Variants in SLC4A8 observed in about 807,000 individuals in gnomAD.
SLC4A8 encodes electroneutral sodium bicarbonate exchanger 1.
SLC4A8 carries 40 observed loss-of-function variants against 125.0 expected under a neutral mutation model. The ratio of observed to expected loss-of-function variants is 0.32; its 90% CI spans 0.25 to 0.42. The LOEUF (loss-of-function observed/expected upper bound fraction) is 0.42. Among genes scored for constraint, SLC4A8 ranks in the 10% least tolerant of loss-of-function variants. The pLI, the probability that SLC4A8 is intolerant of heterozygous loss-of-function variation, is 1.00. For missense variants in SLC4A8, 863 were observed against 1,355.1 expected, an observed-to-expected ratio of 0.64 and a Z score of 5.70; for synonymous variants, 456 against 476.0, an observed-to-expected ratio of 0.96 and a Z score of 0.55.
intron 11 of SLC4A8, chr12:51,467,416 A>T (rs1464048689): frequency 6.6e-6 from 1 of 152,172 alleles, no homozygotes; most frequent in Non-Finnish European, 1.5e-5. Context: ...AACTATACCC[A>T]CCAGAACCAG....
chr12:51,465,788 TAGAG>T (rs930364692), intron 11 of SLC4A8, among the ~76,000 whole-genome samples: 10 of 152,172 alleles, frequency 6.6e-5, no homozygotes, highest in African/African-American at 2.4e-4. Context: ...AATGGCTGCA[TAGAG>T]AATCACATTT....
chr12:51,435,802 G>C (rs956330197), intron 1 of SLC4A8, among the ~76,000 whole-genome samples: 1 of 151,976 alleles, frequency 6.6e-6, no homozygotes, highest in Non-Finnish European at 1.5e-5. Context: ...AGTTGTCTTC[G>C]AGTGCTTCCT....
intron 19 of SLC4A8, among the ~76,000 whole-genome samples, chr12:51,490,562 CAA>C (rs767679317): frequency 1.3e-4 from 5 of 37,566 alleles, no homozygotes; most frequent in African/African-American, 2.2e-4. Context: ...GACTCCATCT[CAA>C]AAAAAAAAAA....
chr12:51,406,326 T>C (rs1948487405), intron 1 of SLC4A8, among the ~76,000 whole-genome samples: 1 of 152,238 alleles, frequency 6.6e-6, no homozygotes, highest in Non-Finnish European at 1.5e-5. Flanking sequence ...GGTTAATGCA[T>C]TTGAAAGCAA....
chr12:51,455,316 A>G (rs1258656171), intron 5 of SLC4A8, among the ~76,000 whole-genome samples: 1 of 152,042 alleles, frequency 6.6e-6, no homozygotes, highest in East Asian at 1.9e-4. Flanking sequence ...CCTACCTTCA[A>G]GGAGCTCGCC....
chr12:51,472,386 A>G (rs1037199051), intron 14 of SLC4A8, among the ~76,000 whole-genome samples: 3 of 152,192 alleles, frequency 2.0e-5, no homozygotes, highest in Non-Finnish European at 4.4e-5. Flanking sequence ...ACTTTCATCT[A>G]TTCTAGTTAT....
intron 20 of SLC4A8, chr12:51,494,498 T>C (rs1378473603): frequency 6.6e-6 from 1 of 152,342 alleles, no homozygotes; most frequent in African/African-American, 2.4e-5. Flanking sequence ...TGGTTCTCTT[T>C]TTTCCTTATT....
intron 1 of SLC4A8, among the ~76,000 whole-genome samples, chr12:51,394,119 C>T (rs1453776595): frequency 6.6e-6 from 1 of 152,210 alleles, no homozygotes; most frequent in Non-Finnish European, 1.5e-5. Flanking sequence ...CAGGACCCAA[C>T]CTAACCTGAG....
At chr12:51,470,850 C>T (rs532295230) in intron 13 of SLC4A8, among the ~76,000 whole-genome samples, 1 of 149,106 alleles carries the variant, frequency 6.7e-6, no homozygotes, top group South Asian at 2.1e-4. Flanking sequence ...CTAATATCCT[C>T]CCCCTGCTGT....
intron 1 of SLC4A8, among the ~76,000 whole-genome samples, chr12:51,425,643 G>A (rs73095169): frequency 0.013 from 2,029 of 152,230 alleles, 20 homozygotes; most frequent in Non-Finnish European, 0.022. Context: ...TTATTTAAGG[G>A]AATTAAAAAA....
At chr12:51,480,372 G>A in intron 16 of SLC4A8, 1 of 1,151,742 alleles carries the variant, frequency 8.7e-7, no homozygotes, top group Non-Finnish European at 1.1e-6. Context: ...AGAATGTGCT[G>A]CTTAATTTTA....
intron 20 of SLC4A8, chr12:51,494,342 C>T (rs1254672811): frequency 6.6e-6 from 1 of 152,478 alleles, no homozygotes; most frequent in Non-Finnish European, 1.5e-5. Context: ...CTTGGGTATT[C>T]CAGATAATAT....
At chr12:51,451,389 G>A (rs771381417) in intron 3 of SLC4A8, among the ~76,000 whole-genome samples, 1 of 152,126 alleles carries the variant, frequency 6.6e-6, no homozygotes, top group African/African-American at 2.4e-5. Flanking sequence ...GATTGCAGGC[G>A]TGAGCCACCG....
At chr12:51,493,036 A>G (rs1308450324) in intron 19 of SLC4A8, among the ~76,000 whole-genome samples, 1 of 152,180 alleles carries the variant, frequency 6.6e-6, no homozygotes, top group African/African-American at 2.4e-5. Context: ...ACTAAATTAT[A>G]GTCCAATTTA....
intron 1 of SLC4A8, chr12:51,407,764 C>T (rs552375124): frequency 3.1e-4 from 47 of 152,366 alleles, no homozygotes; most frequent in African/African-American, 1.1e-3. Flanking sequence ...GTGGGACGTG[C>T]ACACATTCTG....
In SLC4A8 at chr12:51,424,893, T is replaced by A. The variant is rs1948907488; in HGVS notation, c.-95T>A. On this transcript the variant is annotated 5_prime_UTR_variant, in exon 1 of 25. Coordinates refer to ENST00000453097, the MANE Select transcript of SLC4A8 (RefSeq NM_001039960.3). The stretch of plus-strand genomic sequence containing the variant: ...TTGACCGTTGGCTCCGGGGTGGGGG[T>A]CGCCGTTCGAGTGATCTGCTCAGAC... The A allele has an allele frequency of 7.6e-7, 1 of 1,315,834 alleles. No individual in the cohort carries two copies. Among genetic ancestry groups the A allele is most frequent in the Non-Finnish European group, 1.0e-6 (1 of 952,378 alleles). The allele number at this position is 1,315,834 out of a possible 1,614,324, so 81.5% of individuals were successfully genotyped here.
At chr12:51,442,958 G>A (rs1949649540) in intron 2 of SLC4A8, among the ~76,000 whole-genome samples, 1 of 152,138 alleles carries the variant, frequency 6.6e-6, no homozygotes, top group Non-Finnish European at 1.5e-5. Flanking sequence ...CAATATGCAT[G>A]CCATGATATC....
chr12:51,417,429 C>T (rs1489019987), intron 1 of SLC4A8, among the ~76,000 whole-genome samples: 1 of 152,174 alleles, frequency 6.6e-6, no homozygotes, highest in East Asian at 1.9e-4. Context: ...TCACTGGAAC[C>T]TCTGCCTCCT....
chr12:51,506,803 A>C (rs1430826620), intron 24 of SLC4A8, among the ~76,000 whole-genome samples: 2 of 152,236 alleles, frequency 1.3e-5, no homozygotes, highest in African/African-American at 4.8e-5. Context: ...AACCTTAATC[A>C]GGTTAATGAA....
Sources: gnomAD v4.1 joint callset for allele counts (sites outside exome capture counted in the v4.1 genomes callset) on GRCh38, gnomAD v4.1.1 for gene constraint, MANE v1.5 for transcripts, NCBI Gene and HGNC (gene_info 2026-07-23, HGNC 2026-07-21) for gene names.